The following MTMR8 variants were observed in gnomAD, a reference collection of about 807,000 sequenced individuals.
MTMR8 encodes the protein myotubularin related protein 8.
Under a neutral mutation model 39.3 loss-of-function variants are expected in MTMR8, and 65 were observed. The observed-to-expected ratio is 1.65, with a 90% CI of 1.35 to 2.03. MTMR8 has a LOEUF of 2.03. Among genes scored for constraint, MTMR8 ranks in the 30% most tolerant of loss-of-function variants. MTMR8 has a pLI of 0.00. For synonymous variants in MTMR8, 245 were observed against 185.2 expected (o/e 1.32, Z -2.62); for missense variants, 777 against 538.9 (o/e 1.44, Z -4.37).
chrX:64,376,431 A>C (rs189742491), intron 1 of MTMR8, among the ~76,000 whole-genome samples: 3 of 112,032 alleles, frequency 2.7e-5, no homozygotes, highest in Non-Finnish European at 5.6e-5. Flanking sequence ...TGGGAACTGG[A>C]GTAAAAGTCA....
chrX:64,305,838 G>T lies in MTMR8; in HGVS notation c.1481+22934C>A, dbSNP rs771631542. The T allele has an allele frequency of 2.3e-4, 70 of 309,867 alleles. 1 individual carries two copies. The East Asian group carries it at 4.0e-3, about 18-fold the overall frequency. 25.5% of individuals were successfully genotyped at this position (309,867 alleles called of 1,213,427 possible). On this transcript the variant is annotated intron_variant, in intron 12 of 13. Transcript: ENST00000374852. ...ACATAAATTGGCCATAACCCAGGCT[G>T]GGCATGGTGGCTCACACTTGGAATG...
At chrX:64,376,786 C>T (rs1000775247) in intron 1 of MTMR8, among the ~76,000 whole-genome samples, 1 of 112,113 alleles carries the variant, frequency 8.9e-6, no homozygotes, top group Non-Finnish European at 1.9e-5. Flanking sequence ...ATGTTAATAG[C>T]CAAAACAATG....
At chrX:64,280,662 A>G (rs1224226350) in intron 12 of MTMR8, among the ~76,000 whole-genome samples, 1 of 111,116 alleles carries the variant, frequency 9.0e-6, no homozygotes, top group Non-Finnish European at 1.9e-5. Flanking sequence ...CTCTCTCACT[A>G]CTCCTGTTCA....
intron 12 of MTMR8, among the ~76,000 whole-genome samples, chrX:64,306,969 G>C (rs192927161): frequency 1.8e-5 from 2 of 112,059 alleles, no homozygotes; most frequent in South Asian, 7.5e-4. Flanking sequence ...CTACGGGAGC[G>C]GAATGGCAGC....
At chrX:64,356,385 C>A in intron 2 of MTMR8, 47 bp from the exon 3 acceptor site, 1 of 1,094,673 alleles carries the variant, frequency 9.1e-7, no homozygotes. Flanking sequence ...TGTGCAATAT[C>A]TCTATCACTA....
intron 1 of MTMR8, among the ~76,000 whole-genome samples, chrX:64,365,911 G>C (rs1453251148): frequency 9.0e-6 from 1 of 111,376 alleles, no homozygotes; most frequent in African/African-American, 3.3e-5. Context: ...AGGGATGGAG[G>C]AAGATCTACC....
intron 1 of MTMR8, among the ~76,000 whole-genome samples, chrX:64,393,817 C>G (rs1438309897): frequency 8.9e-6 from 1 of 112,161 alleles, no homozygotes; most frequent in Non-Finnish European, 1.9e-5. Flanking sequence ...GTGCTTTGCC[C>G]ATCAGGCAGC....
At chrX:64,357,122 T>A (rs1032688649) in intron 2 of MTMR8, among the ~76,000 whole-genome samples, 1 of 111,971 alleles carries the variant, frequency 8.9e-6, no homozygotes, top group African/African-American at 3.2e-5. Context: ...TATAATTCTC[T>A]CTTAATTGAT....
chrX:64,353,123 A>G (rs1329787879), intron 4 of MTMR8, among the ~76,000 whole-genome samples: 1 of 111,940 alleles, frequency 8.9e-6, no homozygotes, highest in Non-Finnish European at 1.9e-5. Flanking sequence ...TCTTCAATAA[A>G]TGGTTCTGGG....
At chrX:64,349,218 A>G (rs975204016) in intron 5 of MTMR8, among the ~76,000 whole-genome samples, 1 of 111,784 alleles carries the variant, frequency 8.9e-6, no homozygotes, top group Non-Finnish European at 1.9e-5. Flanking sequence ...AGGGTTCACT[A>G]GTTTCAGAAG....
rs192732115 is a variant in MTMR8 at position 64,288,516 on chromosome X, G to A, written c.1482-17443C>T. Among the ~76,000 whole-genome samples the A allele has an allele frequency of 3.9e-3, 430 of 111,618 alleles. 3 individuals are homozygous for A. Among genetic ancestry groups the A allele is most frequent in the African/African-American group, 0.013 (405 of 30,726 alleles). On this transcript the variant is annotated intron_variant, in intron 12 of 13. Transcript: ENST00000374852. ...CATTTGACCCAGCAATCCCATTACTGGGTATATACCCAAAGGAATATAAAT... is the reference window on the plus strand; with the variant it reads ...CATTTGACCCAGCAATCCCATTACTAGGTATATACCCAAAGGAATATAAAT...
chrX:64,271,167 G>A, intron 12 of MTMR8, 94 bp from the exon 13 acceptor site: 2 of 920,503 alleles, frequency 2.2e-6, no homozygotes, highest in African/African-American at 4.0e-5. Context: ...TATTGGCTTA[G>A]TAGGTGGGAA....
chrX:64,354,147 A>G (rs2147231827), intron 4 of MTMR8, among the ~76,000 whole-genome samples: 1 of 108,790 alleles, frequency 9.2e-6, no homozygotes. Flanking sequence ...AGAGAGTAGA[A>G]TGATGGTTAC....
At chrX:64,305,736 G>C in intron 12 of MTMR8, 1 of 480,000 alleles carries the variant, frequency 2.1e-6, no homozygotes, top group East Asian at 3.8e-5. Context: ...ATTTACAAAT[G>C]TATGATGAAT....
intron 8 of MTMR8, 85 bp downstream of exon 8, chrX:64,343,526 A>G: frequency 1.8e-6 from 1 of 568,957 alleles, no homozygotes; most frequent in South Asian, 3.3e-5. Flanking sequence ...ATTTCTTTTC[A>G]ATATTCTTTC....
At chrX:64,295,410 G>T (rs1444371583) in intron 12 of MTMR8, among the ~76,000 whole-genome samples, 3 of 111,304 alleles carry the variant, frequency 2.7e-5, no homozygotes, top group Non-Finnish European at 5.7e-5. Flanking sequence ...CATGGAATTT[G>T]GCAATGATTT....
At chrX:64,282,506 A>C (rs2147131774) in intron 12 of MTMR8, among the ~76,000 whole-genome samples, 1 of 111,527 alleles carries the variant, frequency 9.0e-6, no homozygotes, top group South Asian at 3.8e-4. Flanking sequence ...AAAATAAAAT[A>C]AAATTAGAAA....
chrX:64,339,955 G>A (rs1451041588), intron 8 of MTMR8, among the ~76,000 whole-genome samples: 1 of 111,974 alleles, frequency 8.9e-6, no homozygotes, highest in Non-Finnish European at 1.9e-5. Flanking sequence ...AGGACTGGGA[G>A]CCAACCAAAA....
At chrX:64,358,878 C>CAT (rs1048275283) in intron 2 of MTMR8, among the ~76,000 whole-genome samples, 41 of 107,064 alleles carry the variant, frequency 3.8e-4, no homozygotes, top group East Asian at 8.9e-4. Context: ...CACACACACA[C>CAT]ATATATATAT....
Sources: allele counts gnomAD v4.1 joint callset (sites outside exome capture counted in the v4.1 genomes callset), GRCh38; gene constraint gnomAD v4.1.1; transcripts MANE v1.5; gene names NCBI Gene and HGNC (gene_info 2026-07-23, HGNC 2026-07-21).